Variants in RPS6KC1 observed in about 807,000 individuals in gnomAD.
RPS6KC1 encodes the protein ribosomal protein S6 kinase C1.
Under a neutral mutation model 103.8 loss-of-function variants are expected in RPS6KC1, and 54 were observed. The observed-to-expected ratio is 0.52, with a 90% CI of 0.42 to 0.65. The LOEUF is 0.65. Among genes scored for constraint, RPS6KC1 ranks in the 30% least tolerant of loss-of-function variants. RPS6KC1 has a pLI of 0.00. For synonymous variants in RPS6KC1, 439 were observed against 438.7 expected (o/e 1.00, Z -0.01); for missense variants, 1,151 against 1,253.8 (o/e 0.92, Z 1.24).
chr1:213,337,192 G>A, the RPS6KC1 span, among the ~76,000 whole-genome samples: 63 of 152,300 alleles, frequency 4.1e-4, no homozygotes, highest in Middle Eastern at 3.4e-3. Flanking sequence ...CCTCTTCCCT[G>A]CATCCTAAGT....
chr1:213,768,550 T>C, the RPS6KC1 span, among the ~76,000 whole-genome samples: 885 of 152,350 alleles, frequency 5.8e-3, 7 homozygotes, highest in African/African-American at 0.02. Context: ...CAAATGATAA[T>C]TCCTGTTCCT....
chr1:213,116,215 T>TA (rs2083590109), intron 4 of RPS6KC1, among the ~76,000 whole-genome samples: 1 of 152,092 alleles, frequency 6.6e-6, no homozygotes, highest in Non-Finnish European at 1.5e-5. Context: ...ACTCAGGACT[T>TA]ACTTTATGAA....
chr1:213,815,165 C>G, the RPS6KC1 span, among the ~76,000 whole-genome samples: 5 of 152,142 alleles, frequency 3.3e-5, no homozygotes, highest in African/African-American at 1.2e-4. Flanking sequence ...TTGCTTGGCA[C>G]TTCTTTCTCC....
At chr1:213,334,348 T>C in the RPS6KC1 span, among the ~76,000 whole-genome samples, 1 of 152,178 alleles carries the variant, frequency 6.6e-6, no homozygotes, top group Non-Finnish European at 1.5e-5. Flanking sequence ...TCTTAAATAC[T>C]GCATGAATCG....
In RPS6KC1 at chr1:213,107,868, A is replaced by G. The variant is rs59738561; in HGVS notation, c.378+3299A>G. Among the ~76,000 whole-genome samples the G allele has an allele frequency of 4.0e-3, 609 of 152,276 alleles. 4 individuals carry two copies. The highest frequency in any genetic ancestry group is 0.014 in the African/African-American group (568 of 41,562). ...GGCATTTCACCATAGTATTAATTTC[A>G]GTTTCCTAATGGCTAATGATGTTGA... On this transcript the variant is annotated intron_variant, in intron 4 of 14. Coordinates refer to ENST00000366960, the MANE Select transcript of RPS6KC1 (RefSeq NM_012424.6).
At chr1:213,725,955 G>A in the RPS6KC1 span, among the ~76,000 whole-genome samples, 2 of 152,042 alleles carry the variant, frequency 1.3e-5, no homozygotes. Flanking sequence ...AAATTGGAAC[G>A]GATCATTTTT....
the RPS6KC1 span, among the ~76,000 whole-genome samples, chr1:213,507,317 C>A: frequency 6.6e-6 from 1 of 152,050 alleles, no homozygotes; most frequent in Non-Finnish European, 1.5e-5. Context: ...GAAAAGGGAC[C>A]ATTGTGTTGG....
At chr1:213,673,221 C>T in the RPS6KC1 span, among the ~76,000 whole-genome samples, 1 of 152,294 alleles carries the variant, frequency 6.6e-6, no homozygotes, top group Admixed American at 6.5e-5. Context: ...CCAATGGAAA[C>T]AATTTCTTCT....
the RPS6KC1 span, among the ~76,000 whole-genome samples, chr1:213,569,917 C>G: frequency 6.6e-6 from 1 of 152,198 alleles, no homozygotes; most frequent in Non-Finnish European, 1.5e-5. Context: ...CACCCAAATC[C>G]TTTCCATAGG....
At chr1:213,798,594 C>T in the RPS6KC1 span, among the ~76,000 whole-genome samples, 2 of 152,188 alleles carry the variant, frequency 1.3e-5, no homozygotes. Flanking sequence ...AGGGCCCCTC[C>T]CACTTACGTG....
At chr1:213,480,957 C>T in the RPS6KC1 span, among the ~76,000 whole-genome samples, 36 of 152,224 alleles carry the variant, frequency 2.4e-4, no homozygotes, top group African/African-American at 5.3e-4. Flanking sequence ...ATTGAATCAA[C>T]GCATTTATGA....
chr1:213,563,283 A>C, the RPS6KC1 span, among the ~76,000 whole-genome samples: 2 of 152,074 alleles, frequency 1.3e-5, no homozygotes, highest in Non-Finnish European at 2.9e-5. Flanking sequence ...TCAAGTTTCT[A>C]TCAGTTGATA....
intron 6 of RPS6KC1, among the ~76,000 whole-genome samples, chr1:213,145,974 T>G (rs1298840352): frequency 1.4e-5 from 2 of 142,142 alleles, no homozygotes; most frequent in Admixed American, 7.2e-5. Flanking sequence ...TCTGTTTTTT[T>G]TTTTTTTTTT....
intron 7 of RPS6KC1, among the ~76,000 whole-genome samples, chr1:213,173,408 T>C (rs1306971824): frequency 6.6e-6 from 1 of 152,208 alleles, no homozygotes; most frequent in East Asian, 1.9e-4. Context: ...CATTGGGTTA[T>C]TTCTCATAGA....
the RPS6KC1 span, among the ~76,000 whole-genome samples, chr1:213,678,486 G>A: frequency 2.0e-5 from 3 of 151,994 alleles, no homozygotes; most frequent in East Asian, 5.8e-4. Context: ...GTTAGGAACT[G>A]TTGTGAATTA....
intron 3 of RPS6KC1, among the ~76,000 whole-genome samples, chr1:213,093,451 C>T (rs1209809943): frequency 6.6e-6 from 1 of 152,042 alleles, no homozygotes; most frequent in Non-Finnish European, 1.5e-5. Flanking sequence ...CTCAGGTGAT[C>T]CTCCCGCCTC....
At chr1:213,433,569 GC>G in the RPS6KC1 span, among the ~76,000 whole-genome samples, 2 of 152,188 alleles carry the variant, frequency 1.3e-5, no homozygotes, top group Admixed American at 1.3e-4. Context: ...TTCCAAAGTG[GC>G]TGTAACATTT....
At chr1:213,733,232 G>T in the RPS6KC1 span, among the ~76,000 whole-genome samples, 114 of 105,876 alleles carry the variant, frequency 1.1e-3, no homozygotes, top group Non-Finnish European at 1.6e-3. Context: ...TTTTGTTTTT[G>T]GGTTTTGTTT....
rs1272849548 is a variant in RPS6KC1 at position 213,272,845 on chromosome 1, A to G, written c.*211A>G. The G allele has an allele frequency of 4.8e-6, 2 of 420,278 alleles. No homozygotes were observed. Among genetic ancestry groups the G allele is most frequent in the Middle Eastern group, 6.9e-4 (1 of 1,450 alleles). The allele number at this position is 420,278 out of a possible 1,614,324, so 26.0% of individuals were successfully genotyped here. On this transcript the variant is annotated 3_prime_UTR_variant, in exon 15 of 15. Coordinates refer to ENST00000366960, the MANE Select transcript of RPS6KC1 (RefSeq NM_012424.6). ...TTGTGCCAGGGGCTGTTATATACAT[A>G]TATACACAACCAAGGTGTGATCTGA...
Sources: allele counts gnomAD v4.1 joint callset (sites outside exome capture counted in the v4.1 genomes callset), GRCh38; gene constraint gnomAD v4.1.1; transcripts MANE v1.5; gene names NCBI Gene and HGNC (gene_info 2026-07-23, HGNC 2026-07-21).